The following ITGA4 variants were observed in gnomAD, a reference collection of about 807,000 sequenced individuals.
The protein encoded by ITGA4 is integrin alpha-4.
ITGA4 carries 63 observed loss-of-function variants against 133.6 expected under a neutral mutation model. The observed-to-expected ratio is 0.47, with a 90% confidence interval of 0.38 to 0.58. The LOEUF is 0.58. ITGA4 is among the 20% of genes least tolerant of loss of function. The probability of loss-of-function intolerance (pLI) is 0.00; values close to 1 mark genes in which losing one functional copy is unlikely to be tolerated. For missense variants in ITGA4, 1,076 were observed against 1,252.7 expected, an observed-to-expected ratio of 0.86 and a Z score of 2.13; for synonymous variants, 483 against 438.0, an observed-to-expected ratio of 1.10 and a Z score of -1.28.
In ITGA4 at chr2:181,522,617, G is replaced by A. The variant is rs536661844; in HGVS notation, c.2073+276G>A. Among the ~76,000 whole-genome samples, 38 of 152,270 alleles carry A rather than the reference G, an allele frequency of 2.5e-4. 1 individual carries two copies. The South Asian group carries it at 7.9e-3, about 32-fold the overall frequency. Reference sequence around the variant, plus strand: ...CTGCCGTAGCCAGCACACGTCTGATGTTGGAACAGTATCCCCTTGATTGTG... The same window carrying A: ...CTGCCGTAGCCAGCACACGTCTGATATTGGAACAGTATCCCCTTGATTGTG... On this transcript the variant is annotated intron_variant, in intron 18 of 27. Transcript: ENST00000397033.
rs76605061 is a variant in ITGA4 at position 181,465,974 on chromosome 2, G to A, written c.319+7657G>A. ...TTTGCATGTATTAAAACTGTGGTAC[G>A]TAGTAAGCATGCAATAAGTATTAGT... On this transcript the variant is annotated intron_variant, in intron 2 of 27. Transcript: ENST00000397033. 5.3e-3 allele frequency among the ~76,000 whole-genome samples: 810 copies of A among 152,210 alleles called. 3 individuals are homozygous for A. Among genetic ancestry groups the A allele is most frequent in the African/African-American group, 0.019 (777 of 41,522 alleles).
intron 16 of ITGA4, 36 bp downstream of exon 16, chr2:181,509,843 G>A: frequency 2.1e-6 from 3 of 1,461,548 alleles, no homozygotes; most frequent in Non-Finnish European, 1.9e-6. Context: ...TTATTGTATG[G>A]CATTTAACTA....
chr2:181,492,807 A>G (rs1038034), intron 10 of ITGA4, among the ~76,000 whole-genome samples: 17,395 of 152,258 alleles, frequency 0.11, 1,294 homozygotes, highest in East Asian at 0.22. Flanking sequence ...TAGGAATTAA[A>G]AGTCATTTTG....
At chr2:181,520,348 A>G (rs1397594437) in intron 17 of ITGA4, among the ~76,000 whole-genome samples, 3 of 152,138 alleles carry the variant, frequency 2.0e-5, no homozygotes, top group Admixed American at 1.3e-4. Context: ...ATAGAAAAAT[A>G]TGACTGAAAC....
intron 1 of ITGA4, 122 bp from the exon 2 acceptor site, chr2:181,458,074 G>C (rs1026065843): frequency 4.7e-5 from 64 of 1,367,420 alleles, no homozygotes; most frequent in Non-Finnish European, 4.7e-5. Flanking sequence ...TCGAGTCGGG[G>C]GTGGTGGGCG....
intron 10 of ITGA4, among the ~76,000 whole-genome samples, chr2:181,491,046 T>C (rs1686041563): frequency 6.6e-6 from 1 of 152,224 alleles, no homozygotes; most frequent in African/African-American, 2.4e-5. Flanking sequence ...AGAACTTTAT[T>C]ATATAACAGA....
intron 14 of ITGA4, among the ~76,000 whole-genome samples, chr2:181,496,195 T>C (rs1032464463): frequency 6.6e-6 from 1 of 152,198 alleles, no homozygotes; most frequent in Non-Finnish European, 1.5e-5. Flanking sequence ...GCTATATTAG[T>C]TTAAGGTAAA....
At chr2:181,518,006 T>C (rs531591763) in intron 17 of ITGA4, among the ~76,000 whole-genome samples, 1 of 152,072 alleles carries the variant, frequency 6.6e-6, no homozygotes, top group Non-Finnish European at 1.5e-5. Context: ...AGTTTACTTT[T>C]AGAACCTCTT....
intron 2 of ITGA4, 119 bp from the exon 3 acceptor site, chr2:181,474,841 C>A: frequency 1.5e-6 from 1 of 669,640 alleles, no homozygotes; most frequent in Non-Finnish European, 2.6e-6. Context: ...TCACATTGTG[C>A]ACTGAATATA....
In ITGA4 at chr2:181,523,798, C is replaced by T. The variant is rs1686771979; in HGVS notation, c.2169+266C>T. Among the ~76,000 whole-genome samples, 1 of 152,100 alleles carries T rather than the reference C, an allele frequency of 6.6e-6. No individual in the cohort carries two copies. Among genetic ancestry groups the T allele is most frequent in the Admixed American group, 6.6e-5 (1 of 15,252 alleles). On this transcript the variant is annotated intron_variant, in intron 19 of 27. Coordinates refer to ENST00000397033, the MANE Select transcript of ITGA4 (RefSeq NM_000885.6). This position sits in a 1 kb window ranked among gnomAD's most constrained non-coding sequence, Gnocchi z 4.2. ...AATTCTGCTCCCCCTACACACCCTT[C>T]CCGAAAACCCCCACCCCCACCGCAG...
At chr2:181,534,751 T>C (rs757516494) in intron 26 of ITGA4, 65 bp from the exon 27 acceptor site, 5 of 1,383,488 alleles carry the variant, frequency 3.6e-6, no homozygotes, top group South Asian at 1.3e-5. Flanking sequence ...AAAGGAAATA[T>C]AAGCAACGTT....
upstream of ITGA4, chr2:181,457,356 C>T (rs1685142320): frequency 5.7e-6 from 2 of 348,558 alleles, no homozygotes; most frequent in Non-Finnish European, 1.1e-5. Flanking sequence ...GCACCACGCC[C>T]GGGACCCCAC....
rs1430601110 is a variant in ITGA4 at position 181,490,037 on chromosome 2, G to A, written c.1154-3288G>A. The stretch of plus-strand genomic sequence containing the variant: ...TCGTGATTGATTGAGCAAGCAGGGG[G>A]TACGTGACTGGGGGCTGCATGCACC... On this transcript the variant is annotated intron_variant, in intron 10 of 27. Transcript: ENST00000397033. 2.0e-5 allele frequency among the ~76,000 whole-genome samples: 3 copies of A among 152,120 alleles called. No homozygotes were observed. In the East Asian group the frequency reaches 5.8e-4, roughly 29 times the overall value.
chr2:181,480,154 G>C lies in ITGA4; in HGVS notation c.642G>C (p.Gly214=). The C allele has an allele frequency of 6.5e-7, 1 of 1,550,042 alleles. No homozygotes were observed. ...TCTTACAGGATTTAATTGTGATGGG[G>C]GCCCCAGGATCATCTTACTGGACTG... ...SFYTKDLIVM[G]APGSSYWTGS... is the part of the protein sequence containing the mutation. The change falls in exon 6 of 28, where the codon GGG becomes GGC. Residue 214 remains glycine (G), a synonymous_variant. Transcript: ENST00000397033.
Position 181,538,417 on chromosome 2 carries a change from A to G in ITGA4, c.*2890A>G, listed in dbSNP as rs954459205. ...TCTGATTGATAAATCATCAACAACA[A>G]TAATTGCTCTAAAACCTCCTTAACT... On this transcript the variant is annotated 3_prime_UTR_variant, in exon 28 of 28. Transcript: ENST00000397033. Among the ~76,000 whole-genome samples, 11 of 152,178 alleles carry G rather than the reference A, an allele frequency of 7.2e-5. No homozygotes were observed. Among genetic ancestry groups the G allele is most frequent in the African/African-American group, 2.7e-4 (11 of 41,458 alleles).
chr2:181,525,707 CAT>C (rs1422036420), intron 21 of ITGA4, among the ~76,000 whole-genome samples: 1 of 152,342 alleles, frequency 6.6e-6, no homozygotes, highest in Admixed American at 6.5e-5. Flanking sequence ...CGTATCTACA[CAT>C]GTGGCAAATG....
At chr2:181,474,013 T>G (rs1685617331) in intron 2 of ITGA4, among the ~76,000 whole-genome samples, 1 of 152,190 alleles carries the variant, frequency 6.6e-6, no homozygotes, top group Non-Finnish European at 1.5e-5. Context: ...TTGATGCTAA[T>G]GTATTTATCT....
At chr2:181,508,866 G>T (rs147466136) in intron 15 of ITGA4, among the ~76,000 whole-genome samples, 1 of 151,792 alleles carries the variant, frequency 6.6e-6, no homozygotes, top group African/African-American at 2.4e-5. Flanking sequence ...AAAAGGGCTG[G>T]GTATGGTGGC....
At chr2:181,534,573 T>C (rs1402212931) in intron 26 of ITGA4, among the ~76,000 whole-genome samples, 1 of 151,626 alleles carries the variant, frequency 6.6e-6, no homozygotes, top group East Asian at 1.9e-4. Context: ...GAGAGGTGAA[T>C]TGGGCAGCAG....
Sources: gnomAD v4.1 joint callset for allele counts (sites outside exome capture counted in the v4.1 genomes callset) on GRCh38, gnomAD v4.1.1 for gene constraint, Gnocchi (gnomAD v3.1) non-coding constraint, MANE v1.5 for transcripts, NCBI Gene and HGNC (gene_info 2026-07-23, HGNC 2026-07-21) for gene names.